Variants in PXT1 observed in about 807,000 individuals in gnomAD.
PXT1 encodes the protein peroxisomal testis-specific protein 1.
A neutral mutation model predicts 11.0 loss-of-function variants in PXT1; 11 were observed. The ratio of observed to expected loss-of-function variants is 1.00; its 90% CI spans 0.63 to 1.66. The LOEUF is 1.66. Ranked by LOEUF, PXT1 falls within the 40% of genes most tolerant of loss-of-function variation. The pLI is 0.00. For missense variants in PXT1, 141 were observed against 155.5 expected (o/e 0.91, Z 0.49); for synonymous variants, 43 against 51.4 (o/e 0.84, Z 0.70).
At chr6:36,397,873 A>C (rs1232711377) in intron 4 of PXT1, among the ~76,000 whole-genome samples, 1 of 152,094 alleles carries the variant, frequency 6.6e-6, no homozygotes, top group East Asian at 1.9e-4. Flanking sequence ...AAAATTAGCC[A>C]GGTGTGGTGA....
At chr6:36,423,552 G>A (rs900702093) in intron 3 of PXT1, among the ~76,000 whole-genome samples, 2 of 152,358 alleles carry the variant, frequency 1.3e-5, no homozygotes, top group African/African-American at 2.4e-5. Flanking sequence ...TAGGGAGGCC[G>A]GGTTCCCGAA....
At chr6:36,395,110 C>T (rs1774124891) in intron 4 of PXT1, among the ~76,000 whole-genome samples, 1 of 152,120 alleles carries the variant, frequency 6.6e-6, no homozygotes, top group Non-Finnish European at 1.5e-5. Context: ...CAGGTGTGAG[C>T]CACTGTGCCC....
intron 4 of PXT1, chr6:36,393,090 G>C (rs1227811088): frequency 6.6e-6 from 1 of 152,226 alleles, no homozygotes; most frequent in Non-Finnish European, 1.5e-5. Context: ...TCCTGCCTCA[G>C]CCTCCCGAGT....
chr6:36,439,614 A>AAAC (rs939904030), intron 1 of PXT1, among the ~76,000 whole-genome samples: 3 of 147,856 alleles, frequency 2.0e-5, no homozygotes, highest in Admixed American at 6.8e-5. Flanking sequence ...CTCCATCTCA[A>AAAC]AACAACAACA....
At chr6:36,442,175 C>T (rs1265470457) in intron 1 of PXT1, among the ~76,000 whole-genome samples, 1 of 151,960 alleles carries the variant, frequency 6.6e-6, no homozygotes, top group Non-Finnish European at 1.5e-5. Flanking sequence ...GTTATAGGCG[C>T]CCACCACCAC....
At chr6:36,431,802 G>A (rs1395666991) in intron 2 of PXT1, among the ~76,000 whole-genome samples, 2 of 152,068 alleles carry the variant, frequency 1.3e-5, no homozygotes, top group Non-Finnish European at 2.9e-5. Context: ...CAGGCGTGGT[G>A]GCTTATGCCT....
intron 2 of PXT1, among the ~76,000 whole-genome samples, chr6:36,435,819 G>C (rs568572901): frequency 6.6e-6 from 1 of 152,176 alleles, no homozygotes; most frequent in Non-Finnish European, 1.5e-5. Flanking sequence ...GAGAGAAAAT[G>C]TTTTCCAATC....
chr6:36,415,120 T>A (rs1774429531), intron 3 of PXT1, among the ~76,000 whole-genome samples: 1 of 152,110 alleles, frequency 6.6e-6, no homozygotes, highest in African/African-American at 2.4e-5. Context: ...AGGCTCAAAG[T>A]CTCTTGCCAA....
intron 3 of PXT1, among the ~76,000 whole-genome samples, chr6:36,425,394 T>G (rs939514798): frequency 6.6e-6 from 1 of 152,192 alleles, no homozygotes; most frequent in Non-Finnish European, 1.5e-5. Flanking sequence ...TAATGGAAAC[T>G]AAAGAGATTT....
intron 4 of PXT1, among the ~76,000 whole-genome samples, chr6:36,394,189 A>G (rs919915014): frequency 2.0e-5 from 3 of 152,198 alleles, no homozygotes; most frequent in African/African-American, 4.8e-5. Context: ...TCAGATGCTC[A>G]TATATTTAAA....
chr6:36,439,663 CA>C (rs1226449435), intron 1 of PXT1, among the ~76,000 whole-genome samples: 1 of 58,354 alleles, frequency 1.7e-5, no homozygotes, highest in Non-Finnish European at 3.5e-5. Flanking sequence ...AAAAAAAAAA[CA>C]ACTAAGCATT....
chr6:36,441,260 T>TA (rs1251362064), intron 1 of PXT1, among the ~76,000 whole-genome samples: 1 of 152,210 alleles, frequency 6.6e-6, no homozygotes, highest in Non-Finnish European at 1.5e-5. Context: ...CTGTACTTTA[T>TA]AAAAATGGAA....
intron 2 of PXT1, among the ~76,000 whole-genome samples, chr6:36,429,536 A>T (rs1582270953): frequency 6.2e-4 from 41 of 66,220 alleles, no homozygotes; most frequent in East Asian, 8.3e-4. Flanking sequence ...ATGGAGTTTC[A>T]CTCCTTTTAC....
chr6:36,405,359 T>A (rs1170947057), intron 3 of PXT1, among the ~76,000 whole-genome samples: 1 of 151,256 alleles, frequency 6.6e-6, no homozygotes, highest in Non-Finnish European at 1.5e-5. Context: ...AAGGTTAATT[T>A]ATTATTGAAG....
chr6:36,407,241 C>T (rs962857588), intron 3 of PXT1, among the ~76,000 whole-genome samples: 4 of 152,122 alleles, frequency 2.6e-5, no homozygotes, highest in Admixed American at 2.6e-4. Flanking sequence ...GTTGGTGCAC[C>T]TGCCTTACAG....
At position 36,390,583 on chromosome 6, in the gene PXT1, C is replaced by G. The variant is rs1425061923; in HGVS notation, c.*1187G>C. ...CTCAATAAAATAACAATATTTATTT[C>G]ATTTTTAGAATTTTTTAAAATAACA... On this transcript the variant is annotated 3_prime_UTR_variant, in exon 5 of 5. Coordinates refer to ENST00000454782, the MANE Select transcript of PXT1 (RefSeq NM_152990.4). The G allele has an allele frequency of 6.6e-6, 1 of 152,162 alleles. No individual in the cohort carries two copies. Among genetic ancestry groups the G allele is most frequent in the East Asian group, 1.9e-4 (1 of 5,200 alleles). The allele number at this position is 152,162 out of a possible 1,614,324, so 9.4% of individuals were successfully genotyped here. A position where few individuals can be genotyped will look rare whatever the true frequency, so the allele number is the denominator to read the frequency against.
At chr6:36,432,980 C>T (rs1197532001) in intron 2 of PXT1, among the ~76,000 whole-genome samples, 1 of 151,054 alleles carries the variant, frequency 6.6e-6, no homozygotes, top group Admixed American at 6.6e-5. Context: ...ATATTGGTGG[C>T]TCCCATAGAA....
At chr6:36,440,272 T>C (rs1774835329) in intron 1 of PXT1, among the ~76,000 whole-genome samples, 1 of 152,360 alleles carries the variant, frequency 6.6e-6, no homozygotes, top group Admixed American at 6.5e-5. Context: ...ATATTTTTAT[T>C]CTTAAGAGTC....
chr6:36,435,190 A>G (rs1345650191), intron 2 of PXT1, among the ~76,000 whole-genome samples: 6 of 152,236 alleles, frequency 3.9e-5, no homozygotes, highest in Admixed American at 6.5e-5. Flanking sequence ...CTTTAATCCC[A>G]GCATTTGGGA....
Sources: allele counts gnomAD v4.1 joint callset (sites outside exome capture counted in the v4.1 genomes callset), GRCh38; gene constraint gnomAD v4.1.1; transcripts MANE v1.5; gene names NCBI Gene and HGNC (gene_info 2026-07-23, HGNC 2026-07-21).